Variants in PDE1C observed in about 807,000 individuals in gnomAD.
The protein encoded by PDE1C is phosphodiesterase 1C, also known as dual specificity calcium/calmodulin-dependent 3',5'-cyclic nucleotide phosphodiesterase 1C.
Under a neutral mutation model 93.1 loss-of-function variants are expected in PDE1C, and 62 were observed. That is an observed-to-expected ratio of 0.67 (90% confidence interval 0.54 to 0.82). The LOEUF (loss-of-function observed/expected upper bound fraction) is 0.82. Ranked by LOEUF, PDE1C falls within the 40% of genes least tolerant of loss-of-function variation. The pLI is 0.00. For missense variants in PDE1C, 742 were observed against 884.6 expected, an observed-to-expected ratio of 0.84 and a Z score of 2.04; for synonymous variants, 325 against 310.1, an observed-to-expected ratio of 1.05 and a Z score of -0.50.
At chr7:31,994,450 G>A (rs1784486053) in intron 2 of PDE1C, among the ~76,000 whole-genome samples, 2 of 152,096 alleles carry the variant, frequency 1.3e-5, no homozygotes, top group South Asian at 2.1e-4. Context: ...TCTATGAGCC[G>A]GATGACCCTA....
chr7:31,737,244 G>C, the PDE1C span, among the ~76,000 whole-genome samples: 1 of 151,798 alleles, frequency 6.6e-6, no homozygotes, highest in African/African-American at 2.4e-5. Flanking sequence ...CTCCCAAAGT[G>C]CTTGCATTAC....
intron 2 of PDE1C, among the ~76,000 whole-genome samples, chr7:32,198,269 T>C (rs1804755993): frequency 6.6e-6 from 1 of 152,212 alleles, no homozygotes; most frequent in South Asian, 2.1e-4. Context: ...CTCATCTCTA[T>C]ACAAATATTA....
At chr7:32,343,574 C>T (rs953530777) in intron 1 of PDE1C, among the ~76,000 whole-genome samples, 8 of 152,158 alleles carry the variant, frequency 5.3e-5, no homozygotes, top group East Asian at 1.9e-4. Flanking sequence ...CATATTACTC[C>T]GACAACTCAA....
intron 17 of PDE1C, among the ~76,000 whole-genome samples, chr7:31,762,065 T>C (rs1243054490): frequency 2.0e-5 from 3 of 152,192 alleles, no homozygotes; most frequent in Non-Finnish European, 2.9e-5. Flanking sequence ...TTAGGAACTA[T>C]CTAGAAGATT....
At chr7:31,625,658 ATATACC>A in the PDE1C span, among the ~76,000 whole-genome samples, 532 of 152,202 alleles carry the variant, frequency 3.5e-3, 20 homozygotes, top group Admixed American at 0.032. Context: ...GCACTGGGAG[ATATACC>A]TAATGCTAGA....
the PDE1C span, among the ~76,000 whole-genome samples, chr7:31,617,150 G>T: frequency 6.6e-6 from 1 of 152,112 alleles, no homozygotes; most frequent in East Asian, 1.9e-4. Flanking sequence ...AGTTTTTGAA[G>T]CATTTGCCAT....
Position 32,145,164 on chromosome 7 carries a change from G to A in PDE1C, c.308+24621C>T, listed in dbSNP as rs577521584. ...AACTGTGATGGCAAAATGTAGGCTG[G>A]ATTGGATGAAAAGATTCTAAAGGCA... is the stretch of plus-strand genomic sequence containing the variant. On this transcript the variant is annotated intron_variant, in intron 3 of 18. Transcript: ENST00000396193. Among the ~76,000 whole-genome samples the A allele has an allele frequency of 3.5e-4, 54 of 152,308 alleles. 1 individual carries two copies. In the South Asian group the frequency reaches 8.7e-3, roughly 25 times the overall value.
chr7:31,988,856 G>A (rs1010764547), intron 2 of PDE1C, among the ~76,000 whole-genome samples: 14 of 151,966 alleles, frequency 9.2e-5, no homozygotes, highest in South Asian at 2.1e-4. Flanking sequence ...TTAGCTGGGC[G>A]TAGTGGCACA....
chr7:31,887,360 G>A (rs1798083704), intron 2 of PDE1C, among the ~76,000 whole-genome samples: 2 of 151,902 alleles, frequency 1.3e-5, no homozygotes, highest in African/African-American at 2.4e-5. Flanking sequence ...TTTTGTTAAT[G>A]CTATAAATAA....
chr7:31,869,774 A>C (rs1795708850), intron 6 of PDE1C, among the ~76,000 whole-genome samples: 1 of 152,130 alleles, frequency 6.6e-6, no homozygotes, highest in Non-Finnish European at 1.5e-5. Flanking sequence ...GACCTAATAG[A>C]CACTTACAGA....
intron 1 of PDE1C, among the ~76,000 whole-genome samples, chr7:32,242,475 G>A (rs9639647): frequency 0.99 from 150,359 of 152,340 alleles, 74,240 homozygotes; most frequent in Middle Eastern, 1. Flanking sequence ...AAGATCATTC[G>A]AGGTGAGGAA....
chr7:32,072,038 T>C (rs1328530843), upstream of PDE1C, among the ~76,000 whole-genome samples: 1 of 152,180 alleles, frequency 6.6e-6, no homozygotes, highest in African/African-American at 2.4e-5. Context: ...ATGATAAACT[T>C]AGAAGTGAGG....
At chr7:31,931,194 C>T (rs758058709) in intron 2 of PDE1C, among the ~76,000 whole-genome samples, 16 of 152,156 alleles carry the variant, frequency 1.1e-4, no homozygotes, top group Admixed American at 2.6e-4. Context: ...AGGATGCCCT[C>T]TCTCACCACT....
intron 2 of PDE1C, among the ~76,000 whole-genome samples, chr7:31,938,505 T>C (rs1394348231): frequency 3.9e-5 from 6 of 152,168 alleles, no homozygotes; most frequent in African/African-American, 1.4e-4. Flanking sequence ...TCTTTTTACC[T>C]GATATTTACT....
chr7:32,193,922 T>G (rs969915270), intron 2 of PDE1C, among the ~76,000 whole-genome samples: 22 of 147,420 alleles, frequency 1.5e-4, no homozygotes, highest in African/African-American at 2.0e-4. Context: ...TTTTGTTTTT[T>G]TTTTTTTTTT....
intron 17 of PDE1C, among the ~76,000 whole-genome samples, chr7:31,757,720 A>T (rs1794557389): frequency 6.6e-6 from 1 of 152,250 alleles, no homozygotes; most frequent in Non-Finnish European, 1.5e-5. Context: ...TAGTTCAACC[A>T]TTGTGGAAGA....
rs368411069 is a variant in PDE1C at position 31,937,589 on chromosome 7, G to A, written c.129-56729C>T. Among the ~76,000 whole-genome samples the A allele has an allele frequency of 2.9e-4, 44 of 152,160 alleles. No homozygotes were observed. In the East Asian group the frequency reaches 4.5e-3, roughly 15 times the overall value. ...AGGAAGATCCATTCTTTTGGCTAGG[G>A]GTGCCTAGAATTTTATTTTGGGTTT... On this transcript the variant is annotated intron_variant, in intron 2 of 17. Transcript: ENST00000396191.
intron 2 of PDE1C, among the ~76,000 whole-genome samples, chr7:31,921,633 T>C (rs1047463850): frequency 1.3e-5 from 2 of 152,188 alleles, no homozygotes; most frequent in African/African-American, 2.4e-5. Context: ...CTGTTGGCAA[T>C]TTAATTCTGG....
chr7:31,908,940 G>A (rs2392006), intron 2 of PDE1C, among the ~76,000 whole-genome samples: 8 of 152,076 alleles, frequency 5.3e-5, no homozygotes, highest in South Asian at 2.1e-4. Context: ...TAACTGAGGC[G>A]TCTCTGAAAA....
Sources: gnomAD v4.1 joint callset for allele counts (sites outside exome capture counted in the v4.1 genomes callset) on GRCh38, gnomAD v4.1.1 for gene constraint, MANE v1.5 for transcripts, NCBI Gene and HGNC (gene_info 2026-07-23, HGNC 2026-07-21) for gene names.